The following H1-1 variants were observed in gnomAD, a reference collection of about 807,000 sequenced individuals.
H1-1 encodes histone H1.1.
A neutral mutation model predicts 0.8 loss-of-function variants in H1-1; 2 were observed. The ratio of observed to expected loss-of-function variants is 2.64; its 90% CI spans 1.08 to 8.30. The LOEUF (loss-of-function observed/expected upper bound fraction) is 8.30. Among genes scored for constraint, H1-1 ranks in the 30% most tolerant of loss-of-function variants. The pLI is 0.04. For missense variants in H1-1, 516 were observed against 262.6 expected (o/e 1.97, Z -6.67); for synonymous variants, 211 against 108.2 (o/e 1.95, Z -5.89).
Position 26,017,526 on chromosome 6 carries a change from C to T in H1-1, c.207G>A (p.Leu69=). ...GVSLAALKKA[L]AAAGYDVEKN... is the part of the protein sequence containing the mutation. ...TCTCCACGTCGTAGCCTGCGGCCGCCAGCGCCTTTTTAAGAGCTGCCAACG... is the reference window on the plus strand; with the variant it reads ...TCTCCACGTCGTAGCCTGCGGCCGCTAGCGCCTTTTTAAGAGCTGCCAACG... The change falls in exon 1 of 1, where the codon CTG becomes CTA. Residue 69 remains leucine, a synonymous_variant. Transcript: ENST00000244573. 1.9e-6 allele frequency: 3 copies of T among 1,614,146 alleles called. No homozygotes were observed. Among genetic ancestry groups the T allele is most frequent in the Non-Finnish European group, 2.5e-6 (3 of 1,180,040 alleles).
rs1561912734 is a variant in H1-1, at chr6:26,017,508, G to A, written c.225C>T (p.Asp75=). ...LKKALAAAGY[D]VEKNNSRIKL... The stretch of plus-strand genomic sequence containing the variant: ...TAATGCGGCTGTTGTTCTTCTCCAC[G>A]TCGTAGCCTGCGGCCGCCAGCGCCT... The change falls in exon 1 of 1, where the codon GAC becomes GAT. Residue 75 remains aspartate (D), a synonymous_variant. Transcript: ENST00000244573. The A allele has an allele frequency of 1.2e-6, 2 of 1,614,042 alleles. No homozygotes were observed. Among genetic ancestry groups the A allele is most frequent in the Non-Finnish European group, 1.7e-6 (2 of 1,180,030 alleles).
At position 26,017,406 on chromosome 6, in the gene H1-1, C is replaced by G. The variant is rs199876694; in HGVS notation, c.327G>C (p.Lys109Asn). 14 of 1,613,960 alleles carry G rather than the reference C, an allele frequency of 8.7e-6. No individual in the cohort carries two copies. The highest frequency in any genetic ancestry group is 4.4e-5 in the South Asian group (4 of 91,080). ...CCACGGAGGACGCCTTCTTGTTGAG[C>G]TTGAAGGAACCCGAGGCTCCGGTAC... is the stretch of plus-strand genomic sequence containing the variant. ...TKGTGASGSF[K>N]LNKKASSVET... The change falls in exon 1 of 1, where the codon AAG becomes AAC. Residue 109 changes from lysine to asparagine, a missense_variant. Physicochemically the swap from Lys to Asn is moderately conservative, Grantham distance 94. Transcript: ENST00000244573.
In H1-1 at chr6:26,017,456, T is replaced by G. The variant is rs1761144752; in HGVS notation, c.277A>C (p.Lys93Gln). Reference sequence around the variant, plus strand: ...CCCTTTGTCTGCACCAACGTTCCCTTGCTTACCAGGCTCTTAATGCCCAGC... The same window carrying G: ...CCCTTTGTCTGCACCAACGTTCCCTGGCTTACCAGGCTCTTAATGCCCAGC... The part of the protein sequence containing the change: ...IKLGIKSLVS[K>Q]GTLVQTKGTG... The change falls in exon 1 of 1, where the codon AAG (lysine) becomes CAG (glutamine). Residue 93 changes from lysine (K) to glutamine (Q), a missense_variant. Physicochemically the swap from Lys to Gln is moderately conservative, Grantham distance 53. Coordinates refer to ENST00000244573, the MANE Select transcript of H1-1 (RefSeq NM_005325.4). The G allele has an allele frequency of 6.2e-7, 1 of 1,613,868 alleles. No homozygotes were observed. The highest frequency in any genetic ancestry group is 1.3e-5 in the African/African-American group (1 of 74,898).
chr6:26,017,429 T>TACCCTTTGTCTGCACCAACGTTC lies in H1-1; in HGVS notation c.281_303dup (p.Thr102GlufsTer82). 1.9e-6 allele frequency: 3 copies of TACCCTTTGTCTGCACCAACGTTC among 1,614,086 alleles called. No homozygotes were observed. The highest frequency in any genetic ancestry group is 2.5e-6 in the Non-Finnish European group (3 of 1,179,990). The stretch of plus-strand genomic sequence containing the variant: ...AGCTTGAAGGAACCCGAGGCTCCGG[T>TACCCTTTGTCTGCACCAACGTTC]ACCCTTTGTCTGCACCAACGTTCCC... On this transcript the variant is annotated frameshift_variant, in exon 1 of 1. Coordinates refer to ENST00000244573, the MANE Select transcript of H1-1 (RefSeq NM_005325.4). LOFTEE classifies it low-confidence loss of function (END_TRUNC).
chr6:26,017,665 T>G lies in H1-1; in HGVS notation c.68A>C (p.Lys23Thr). 1.2e-6 allele frequency: 2 copies of G among 1,614,118 alleles called. No individual in the cohort carries two copies. The highest frequency in any genetic ancestry group is 2.2e-5 in the South Asian group (2 of 91,088). The change falls in exon 1 of 1, where the codon AAG becomes ACG. Residue 23 changes from lysine (K) to threonine (T), a missense_variant. Transcript: ENST00000244573. ...AAPEKPLAGK[K>T]AKKPAKAAAA... ...TGCAGCCTTAGCAGGTTTCTTTGCC[T>G]TCTTGCCAGCTAAAGGTTTCTCAGG... is the stretch of plus-strand genomic sequence containing the variant.
chr6:26,017,628 C>G lies in H1-1; in HGVS notation c.105G>C (p.Lys35Asn). The G allele has an allele frequency of 6.2e-7, 1 of 1,614,142 alleles. No individual in the cohort carries two copies. The highest frequency in any genetic ancestry group is 8.5e-7 in the Non-Finnish European group (1 of 1,180,012). ...KKPAKAAAAS[K>N]KKPAGPSVSE... ...ACACGGAAGGGCCAGCGGGTTTTTT[C>G]TTGGAGGCTGCTGCAGCCTTAGCAG... Residue 35 changes from lysine to asparagine, a missense_variant, in exon 1 of 1, where the codon AAG becomes AAC. Transcript: ENST00000244573.
rs866101117 is a variant in H1-1, at chr6:26,017,671, C to T, written c.62G>A (p.Gly21Asp). ...ASAAPEKPLA[G>D]KKAKKPAKAA... is the part of the protein sequence containing the mutation. ...CTTAGCAGGTTTCTTTGCCTTCTTG[C>T]CAGCTAAAGGTTTCTCAGGAGCAGC... is the stretch of plus-strand genomic sequence containing the variant. Residue 21 changes from glycine to aspartate, a missense_variant, in exon 1 of 1, where the codon GGC becomes GAC. Physicochemically the swap from Gly to Asp is moderately conservative, Grantham distance 94 (BLOSUM62 -1). Transcript: ENST00000244573. 6.2e-7 allele frequency: 1 copy of T among 1,614,058 alleles called. No homozygotes were observed. The highest frequency in any genetic ancestry group is 1.3e-5 in the African/African-American group (1 of 75,030).
rs1561912872 is a variant in H1-1, at chr6:26,017,621, GT to G, written c.111del (p.Lys37AsnfsTer10). 3.7e-6 allele frequency: 6 copies of G among 1,614,016 alleles called. No individual in the cohort carries two copies. Among genetic ancestry groups the G allele is most frequent in the Non-Finnish European group, 5.1e-6 (6 of 1,179,956 alleles). ...AGCTCTGACACGGAAGGGCCAGCGG[GT>G]TTTTTCTTGGAGGCTGCTGCAGCCT... ...PAKAAAASKK[K>X]PAGPSVSELI... is the part of the protein sequence containing the mutation. On this transcript the variant is annotated frameshift_variant, in exon 1 of 1. Coordinates refer to ENST00000244573, the MANE Select transcript of H1-1 (RefSeq NM_005325.4). LOFTEE classifies it low-confidence loss of function (END_TRUNC).
rs41266775 is a variant in H1-1 at position 26,017,334 on chromosome 6, C to A, written c.399G>T (p.Thr133=). The change falls in exon 1 of 1, where the codon ACG becomes ACT. Residue 133 remains threonine (T), a synonymous_variant. Transcript: ENST00000244573. ...CCTTTTTGAGCTTTTTAGATGCACC[C>A]GTTGCCTTAGTTTTTGTAGCCACCT... ...ASKVATKTKA[T]GASKKLKKAT... The A allele has an allele frequency of 1.2e-6, 2 of 1,614,086 alleles. No homozygotes were observed. The highest frequency in any genetic ancestry group is 1.7e-6 in the Non-Finnish European group (2 of 1,180,018).
chr6:26,017,187 T>G lies in H1-1; in HGVS notation c.546A>C (p.Lys182Asn). 6.2e-7 allele frequency: 1 copy of G among 1,614,108 alleles called. No homozygotes were observed. The highest frequency in any genetic ancestry group is 8.5e-7 in the Non-Finnish European group (1 of 1,180,002). ...TTACAGCCTTAGCTTTAGCAGGGCT[T>G]TTAGCTACTTTCTTGGGCTTTACAG... ...PKTVKPKKVA[K>N]SPAKAKAVKP... Residue 182 changes from lysine to asparagine, a missense_variant, in exon 1 of 1, where the codon AAA (lysine) becomes AAC (asparagine). Lys to Asn is a moderately conservative substitution (Grantham distance 94, BLOSUM62 0). Transcript: ENST00000244573.
At position 26,017,398 on chromosome 6, in the gene H1-1, T is replaced by C. The variant is rs775359773; in HGVS notation, c.335A>G (p.Lys112Arg). Residue 112 changes from lysine (K) to arginine (R), a missense_variant, in exon 1 of 1, where the codon AAG (lysine) becomes AGG (arginine). Transcript: ENST00000244573. ...CTTGGTTTCCACGGAGGACGCCTTC[T>C]TGTTGAGCTTGAAGGAACCCGAGGC... is the stretch of plus-strand genomic sequence containing the variant. ...TGASGSFKLN[K>R]KASSVETKPG... 3.7e-6 allele frequency: 6 copies of C among 1,614,102 alleles called. No homozygotes were observed. In the South Asian group the frequency reaches 4.4e-5, roughly 12 times the overall value.
rs151155225 is a variant in H1-1 at position 26,017,547 on chromosome 6, C to G, written c.186G>C (p.Leu62Phe). The G allele has an allele frequency of 1.4e-5, 23 of 1,614,026 alleles. No homozygotes were observed. The African/African-American group carries it at 2.5e-4, about 18-fold the overall frequency. ...SSSKERGGVSLAALKKALAAA... is the reference protein window; with the variant it reads ...SSSKERGGVSFAALKKALAAA... ...CCGCCAGCGCCTTTTTAAGAGCTGC[C>G]AACGACACACCACCACGCTCCTTAG... is the stretch of plus-strand genomic sequence containing the variant. Residue 62 changes from leucine (L) to phenylalanine (F), a missense_variant, in exon 1 of 1, where the codon TTG (leucine) becomes TTC (phenylalanine). Coordinates refer to ENST00000244573, the MANE Select transcript of H1-1 (RefSeq NM_005325.4).
Position 26,017,139 on chromosome 6 carries a change from C to T in H1-1, c.594G>A (p.Arg198=), listed in dbSNP as rs538129780. 114 of 1,611,326 alleles carry T rather than the reference C, an allele frequency of 7.1e-5. No individual in the cohort carries two copies. Among genetic ancestry groups the T allele is most frequent in the African/African-American group, 2.8e-4 (21 of 74,520 alleles). The change falls in exon 1 of 1, where the codon AGG becomes AGA. Residue 198 remains arginine (R), a synonymous_variant. Coordinates refer to ENST00000244573, the MANE Select transcript of H1-1 (RefSeq NM_005325.4). ...GTTTGGCAGTCTTTGGCTTCGTCAC[C>T]CTAGCCTTGGCCGCCTTGGGTTTTA... ...KAVKPKAAKA[R]VTKPKTAKPK...
In H1-1 at chr6:26,017,242, T is replaced by G; in HGVS notation, c.491A>C (p.Lys164Thr). 1 of 1,614,142 alleles carries G rather than the reference T, an allele frequency of 6.2e-7. No individual in the cohort carries two copies. The highest frequency in any genetic ancestry group is 8.5e-7 in the Non-Finnish European group (1 of 1,180,030). ...KKAKKPAATR[K>T]SSKNPKKPKT... is the part of the protein sequence containing the mutation. ...GGGTTTTTTTGGATTCTTGGAGGATTTCCTTGTTGCCGCAGGCTTTTTAGC... is the reference window on the plus strand; with the variant it reads ...GGGTTTTTTTGGATTCTTGGAGGATGTCCTTGTTGCCGCAGGCTTTTTAGC... Residue 164 changes from lysine to threonine, a missense_variant, in exon 1 of 1, where the codon AAA (lysine) becomes ACA (threonine). Physicochemically the swap from Lys to Thr is moderately conservative, Grantham distance 78. Transcript: ENST00000244573.
rs778712697 is a variant in H1-1, at chr6:26,017,648, TAGC to T, written c.82_84del (p.Ala28del). 2.5e-6 allele frequency: 4 copies of T among 1,614,140 alleles called. No homozygotes were observed. Among genetic ancestry groups the T allele is most frequent in the South Asian group, 1.1e-5 (1 of 91,084 alleles). On this transcript the variant is annotated inframe_deletion, in exon 1 of 1. Transcript: ENST00000244573. Reference sequence around the variant, plus strand: ...TTTTTCTTGGAGGCTGCTGCAGCCTTAGCAGGTTTCTTTGCCTTCTTGCCAGCT... The same window carrying T: ...TTTTTCTTGGAGGCTGCTGCAGCCTTAGGTTTCTTTGCCTTCTTGCCAGCT...
chr6:26,017,756 T>C lies in H1-1; in HGVS notation c.-24A>G, dbSNP rs1263658880. The C allele has an allele frequency of 6.3e-6, 10 of 1,598,208 alleles. No individual in the cohort carries two copies. Among genetic ancestry groups the C allele is most frequent in the Middle Eastern group, 3.4e-4 (2 of 5,916 alleles). On this transcript the variant is annotated 5_prime_UTR_variant, in exon 1 of 1. Transcript: ENST00000244573. Reference sequence around the variant, plus strand: ...ATGGTGACTAACACAGCACACCAAATAAAGTGGTATAAACCTGACGAAGCA... The same window carrying C: ...ATGGTGACTAACACAGCACACCAAACAAAGTGGTATAAACCTGACGAAGCA...
Position 26,017,360 on chromosome 6 carries a change from T to C in H1-1, c.373A>G (p.Lys125Glu), listed in dbSNP as rs1761140936. The C allele has an allele frequency of 5.6e-6, 9 of 1,614,102 alleles. No homozygotes were observed. Among genetic ancestry groups the C allele is most frequent in the Non-Finnish European group, 7.6e-6 (9 of 1,180,010 alleles). The change falls in exon 1 of 1, where the codon AAG becomes GAG. Residue 125 changes from lysine to glutamate, a missense_variant. Transcript: ENST00000244573. ...SSVETKPGAS[K>E]VATKTKATGA... ...GTTGCCTTAGTTTTTGTAGCCACCT[T>C]TGAGGCGCCGGGCTTGGTTTCCACG...
chr6:26,017,213 T>G lies in H1-1; in HGVS notation c.520A>C (p.Thr174Pro), dbSNP rs772523618. Reference protein sequence around the residue: ...KSSKNPKKPKTVKPKKVAKSP... With the variant: ...KSSKNPKKPKPVKPKKVAKSP... The stretch of plus-strand genomic sequence containing the variant: ...TTAGCTACTTTCTTGGGCTTTACAG[T>G]TTTGGGTTTTTTTGGATTCTTGGAG... Residue 174 changes from threonine to proline, a missense_variant, in exon 1 of 1, where the codon ACT becomes CCT. Coordinates refer to ENST00000244573, the MANE Select transcript of H1-1 (RefSeq NM_005325.4). The G allele has an allele frequency of 1.2e-6, 2 of 1,613,984 alleles. No homozygotes were observed.
In H1-1 at chr6:26,017,466, G is replaced by GA; in HGVS notation, c.266_267insT (p.Leu90ProfsTer42). On this transcript the variant is annotated frameshift_variant, in exon 1 of 1. Coordinates refer to ENST00000244573, the MANE Select transcript of H1-1 (RefSeq NM_005325.4). LOFTEE classifies it low-confidence loss of function (END_TRUNC). ...GCACCAACGTTCCCTTGCTTACCAG[G>GA]CTCTTAATGCCCAGCTTAATGCGGC... 1 of 1,614,088 alleles carries GA rather than the reference G, an allele frequency of 6.2e-7. No homozygotes were observed. Among genetic ancestry groups the GA allele is most frequent in the African/African-American group, 1.3e-5 (1 of 74,988 alleles).
Sources: gnomAD v4.1 joint callset for allele counts on GRCh38, gnomAD v4.1.1 for gene constraint, MANE v1.5 for transcripts, NCBI Gene and HGNC (gene_info 2026-07-23, HGNC 2026-07-21) for gene names.